Variants in GLRX3 observed in about 807,000 individuals in gnomAD.
GLRX3 encodes glutaredoxin-3.
Under a neutral mutation model 49.5 loss-of-function variants are expected in GLRX3, and 22 were observed. The ratio of observed to expected loss-of-function variants is 0.44; its 90% CI spans 0.32 to 0.63. The LOEUF (loss-of-function observed/expected upper bound fraction) is 0.63, where lower values mean the gene tolerates loss of function less well. GLRX3 is among the 30% of genes least tolerant of loss of function. GLRX3 has a pLI of 0.05. For synonymous variants in GLRX3, 133 were observed against 140.0 expected, an observed-to-expected ratio of 0.95 and a Z score of 0.35; for missense variants, 385 against 396.3, an observed-to-expected ratio of 0.97 and a Z score of 0.24.
At chr10:130,178,993 T>C (rs1048850530) in intron 10 of GLRX3, among the ~76,000 whole-genome samples, 3 of 151,864 alleles carry the variant, frequency 2.0e-5, no homozygotes, top group Middle Eastern at 3.2e-3. Flanking sequence ...CATGAGCCAC[T>C]GCACCCAGCC....
At chr10:130,174,725 TA>T (rs1478852939) in intron 8 of GLRX3, 141 bp from the exon 9 acceptor site, 1 of 647,820 alleles carries the variant, frequency 1.5e-6, no homozygotes, top group Non-Finnish European at 2.7e-6. Context: ...GATTAAGAAG[TA>T]AAATCATTTC....
chr10:130,147,406 T>C (rs1263763286), intron 2 of GLRX3, among the ~76,000 whole-genome samples: 1 of 152,240 alleles, frequency 6.6e-6, no homozygotes, highest in East Asian at 1.9e-4. Flanking sequence ...CTTCTCACAT[T>C]GGTACCAGAC....
intron 8 of GLRX3, among the ~76,000 whole-genome samples, chr10:130,172,251 G>A (rs917411005): frequency 6.6e-6 from 1 of 152,132 alleles, no homozygotes; most frequent in Admixed American, 6.6e-5. Flanking sequence ...ATATATTATA[G>A]GTAGTTTTTA....
At chr10:130,158,922 T>C (rs1862526403) in intron 2 of GLRX3, among the ~76,000 whole-genome samples, 1 of 152,136 alleles carries the variant, frequency 6.6e-6, no homozygotes, top group Non-Finnish European at 1.5e-5. Context: ...CACCCAAGAA[T>C]GTAGGAGATA....
chr10:130,156,486 A>G (rs190530609), intron 2 of GLRX3, among the ~76,000 whole-genome samples: 75 of 152,326 alleles, frequency 4.9e-4, no homozygotes, highest in Non-Finnish European at 8.2e-4. Context: ...TTTAAGTTCC[A>G]GTTTCTTCTG....
intron 2 of GLRX3, among the ~76,000 whole-genome samples, chr10:130,156,815 T>C (rs1862479252): frequency 6.6e-6 from 1 of 152,230 alleles, no homozygotes; most frequent in African/African-American, 2.4e-5. Flanking sequence ...ATTCTTGGTA[T>C]AGGAAGCAAG....
At chr10:130,163,065 TTA>T (rs1162022602) in intron 4 of GLRX3, among the ~76,000 whole-genome samples, 3 of 152,176 alleles carry the variant, frequency 2.0e-5, no homozygotes, top group Non-Finnish European at 4.4e-5. Context: ...CTTATTTAAA[TTA>T]TGTTTATTAT....
chr10:130,177,664 G>A (rs965986486), intron 10 of GLRX3, among the ~76,000 whole-genome samples: 15 of 152,126 alleles, frequency 9.9e-5, no homozygotes, highest in Admixed American at 2.6e-4. Context: ...GGTCCTCTCC[G>A]TGCCTTCTTG....
intron 2 of GLRX3, among the ~76,000 whole-genome samples, chr10:130,150,414 A>T (rs984385380): frequency 6.6e-5 from 10 of 152,064 alleles, no homozygotes; most frequent in Admixed American, 5.2e-4. Flanking sequence ...AACATTCTCA[A>T]AGTCAGACTT....
intron 8 of GLRX3, among the ~76,000 whole-genome samples, chr10:130,172,349 C>T (rs16910167): frequency 2.6e-5 from 4 of 152,086 alleles, no homozygotes; most frequent in Admixed American, 6.6e-5. Context: ...AGAGGTAGCA[C>T]AAGTTAAATT....
At chr10:130,165,232 G>A (rs960857323) in intron 4 of GLRX3, among the ~76,000 whole-genome samples, 4 of 152,162 alleles carry the variant, frequency 2.6e-5, no homozygotes, top group African/African-American at 9.6e-5. Flanking sequence ...TTACAACTGT[G>A]TTTGAGAAGA....
intron 2 of GLRX3, among the ~76,000 whole-genome samples, chr10:130,157,473 C>T (rs1862493210): frequency 1.6e-5 from 2 of 124,310 alleles, no homozygotes; most frequent in Admixed American, 9.7e-5. Context: ...AGGCCTTCAA[C>T]CTATTGGATG....
intron 2 of GLRX3, among the ~76,000 whole-genome samples, chr10:130,146,738 A>T (rs1862276977): frequency 6.6e-6 from 1 of 152,238 alleles, no homozygotes; most frequent in Non-Finnish European, 1.5e-5. Context: ...GTGAGTTCAG[A>T]GTACATGTTA....
Position 130,146,962 on chromosome 10 carries a change from C to G in GLRX3, c.201+1643C>G, listed in dbSNP as rs373796275. Among the ~76,000 whole-genome samples, 5 of 152,138 alleles carry G rather than the reference C, an allele frequency of 3.3e-5. No individual in the cohort carries two copies. The East Asian group carries it at 7.7e-4, about 23-fold the overall frequency. On this transcript the variant is annotated intron_variant, in intron 2 of 10. Coordinates refer to ENST00000331244, the MANE Select transcript of GLRX3 (RefSeq NM_006541.5). ...ATTCCAAACAGTGTAGAAAGATGTC[C>G]GTTGAGAAGGCCCACCCCGTTCCTC...
intron 2 of GLRX3, among the ~76,000 whole-genome samples, chr10:130,154,862 G>T (rs1862444722): frequency 6.6e-6 from 1 of 152,150 alleles, no homozygotes; most frequent in African/African-American, 2.4e-5. Flanking sequence ...GGTAATTTTA[G>T]GTAGTAATAA....
intron 6 of GLRX3, among the ~76,000 whole-genome samples, chr10:130,168,136 C>T (rs766854724): frequency 1.1e-4 from 16 of 152,274 alleles, no homozygotes; most frequent in African/African-American, 3.4e-4. Flanking sequence ...CAAAGGGTAA[C>T]GGGCTAGAAT....
At chr10:130,139,593 G>A (rs1232592017) in intron 1 of GLRX3, among the ~76,000 whole-genome samples, 2 of 149,456 alleles carry the variant, frequency 1.3e-5, no homozygotes, top group Non-Finnish European at 3.0e-5. Context: ...AGTGAGCCAA[G>A]ATCGTGGCAC....
chr10:130,177,100 A>G (rs1375016031), intron 10 of GLRX3, among the ~76,000 whole-genome samples: 2 of 152,142 alleles, frequency 1.3e-5, no homozygotes, highest in Non-Finnish European at 2.9e-5. Context: ...TTACGATCCC[A>G]TTTTGATCTG....
intron 8 of GLRX3, among the ~76,000 whole-genome samples, chr10:130,173,190 T>C: frequency 6.6e-6 from 1 of 152,196 alleles, no homozygotes; most frequent in East Asian, 1.9e-4. Flanking sequence ...TCAGGTGTCT[T>C]CTGAGCCGAC....
Sources: allele counts gnomAD v4.1 joint callset (sites outside exome capture counted in the v4.1 genomes callset), GRCh38; gene constraint gnomAD v4.1.1; transcripts MANE v1.5; gene names NCBI Gene and HGNC (gene_info 2026-07-23, HGNC 2026-07-21).